Variants in DGKB observed in about 807,000 individuals in gnomAD.
DGKB encodes the protein diacylglycerol kinase beta.
A neutral mutation model predicts 114.3 loss-of-function variants in DGKB; 67 were observed. The observed-to-expected ratio is 0.59, with a 90% confidence interval of 0.48 to 0.72. DGKB has a LOEUF of 0.72. Ranked by LOEUF, DGKB falls within the 30% of genes least tolerant of loss-of-function variation. The pLI is 0.00. For synonymous variants in DGKB, 398 were observed against 323.1 expected, an observed-to-expected ratio of 1.23 and a Z score of -2.49; for missense variants, 907 against 975.2, an observed-to-expected ratio of 0.93 and a Z score of 0.93.
intron 1 of DGKB, among the ~76,000 whole-genome samples, chr7:14,896,464 C>T (rs1782117723): frequency 1.3e-5 from 2 of 150,940 alleles, no homozygotes; most frequent in Non-Finnish European, 3.0e-5. Flanking sequence ...AATTTTGTAG[C>T]CTCAATAAAT....
chr7:14,575,050 A>G (rs1446272530), intron 19 of DGKB, among the ~76,000 whole-genome samples: 1 of 152,192 alleles, frequency 6.6e-6, no homozygotes, highest in Non-Finnish European at 1.5e-5. Context: ...ACTTGAGGCC[A>G]GGAGTTCCAG....
At chr7:14,951,750 G>C (rs1046743643) in intron 1 of DGKB, among the ~76,000 whole-genome samples, 1 of 151,852 alleles carries the variant, frequency 6.6e-6, no homozygotes, top group Admixed American at 6.6e-5. Flanking sequence ...AAACTGGGGA[G>C]AAGAGGCATT....
At chr7:14,189,862 T>C (rs1425303210) in intron 23 of DGKB, among the ~76,000 whole-genome samples, 1 of 152,128 alleles carries the variant, frequency 6.6e-6, no homozygotes, top group Non-Finnish European at 1.5e-5. Context: ...GATATAACAA[T>C]TGTAAATATA....
intron 23 of DGKB, among the ~76,000 whole-genome samples, chr7:14,180,174 G>T (rs1379908739): frequency 6.9e-6 from 1 of 144,170 alleles, no homozygotes; most frequent in Non-Finnish European, 1.5e-5. Flanking sequence ...TAGTATTGTA[G>T]ATTTTGCACG....
chr7:14,179,523 T>G (rs527490381), intron 23 of DGKB, among the ~76,000 whole-genome samples: 28 of 152,294 alleles, frequency 1.8e-4, no homozygotes, highest in Admixed American at 1.3e-3. Context: ...CAAGCAAATG[T>G]GTTTTGTAGG....
chr7:14,365,765 C>T (rs950977014), intron 21 of DGKB, among the ~76,000 whole-genome samples: 7 of 151,956 alleles, frequency 4.6e-5, no homozygotes, highest in Non-Finnish European at 1.0e-4. Context: ...CTTTTATTTT[C>T]ATTTGTTTTC....
At chr7:14,873,150 T>A (rs1852737240) in intron 1 of DGKB, among the ~76,000 whole-genome samples, 1 of 152,142 alleles carries the variant, frequency 6.6e-6, no homozygotes, top group South Asian at 2.1e-4. Flanking sequence ...TTCATGAATG[T>A]TCGTTAAACT....
intron 2 of DGKB, among the ~76,000 whole-genome samples, chr7:14,801,552 T>C (rs7798664): frequency 0.36 from 55,260 of 151,944 alleles, 13,246 homozygotes; most frequent in African/African-American, 0.67. Context: ...AGAGCTTTAA[T>C]AGAACAAAAG....
At chr7:14,831,686 T>C (rs1374428008) in intron 2 of DGKB, among the ~76,000 whole-genome samples, 1 of 152,054 alleles carries the variant, frequency 6.6e-6, no homozygotes, top group Non-Finnish European at 1.5e-5. Context: ...TCTCATGTCT[T>C]CTCCTAGCAT....
intron 2 of DGKB, among the ~76,000 whole-genome samples, chr7:14,825,032 A>ATATATATC (rs1845492728): frequency 5.0e-5 from 7 of 139,462 alleles, no homozygotes; most frequent in African/African-American, 1.6e-4. Context: ...ATATATATAT[A>ATATATATC]TATATATATA....
At chr7:14,875,114 G>A (rs1168095217) in intron 1 of DGKB, among the ~76,000 whole-genome samples, 1 of 151,978 alleles carries the variant, frequency 6.6e-6, no homozygotes. Flanking sequence ...TCCCCTGAAA[G>A]CCATAGGGAG....
At chr7:14,447,779 A>G (rs1830923357) in intron 21 of DGKB, among the ~76,000 whole-genome samples, 1 of 152,084 alleles carries the variant, frequency 6.6e-6, no homozygotes. Flanking sequence ...ACTGGTTATA[A>G]CCACTGACTT....
At chr7:14,790,616 A>G (rs1258870613) in intron 2 of DGKB, among the ~76,000 whole-genome samples, 1 of 152,126 alleles carries the variant, frequency 6.6e-6, no homozygotes, top group Admixed American at 6.5e-5. Flanking sequence ...TTATTTAGGC[A>G]TATTTTTATG....
intron 21 of DGKB, among the ~76,000 whole-genome samples, chr7:14,438,673 C>T (rs1407132505): frequency 6.6e-6 from 1 of 152,106 alleles, no homozygotes; most frequent in Non-Finnish European, 1.5e-5. Flanking sequence ...TAGTTAGATG[C>T]AATATTTTAT....
chr7:14,785,516 A>T lies in DGKB; in HGVS notation c.71-27785T>A, dbSNP rs566553755. Among the ~76,000 whole-genome samples, 57 of 152,246 alleles carry T rather than the reference A, an allele frequency of 3.7e-4. No individual in the cohort carries two copies. The South Asian group carries it at 0.011, about 28-fold the overall frequency. On this transcript the variant is annotated intron_variant, in intron 2 of 25. Transcript: ENST00000402815. ...TCAAACGTCATGACTAAATTAAATT[A>T]AATTAAATTATATCCATTCACTGCT...
chr7:14,811,896 T>G (rs963343523), intron 2 of DGKB, among the ~76,000 whole-genome samples: 1 of 56,260 alleles, frequency 1.8e-5, no homozygotes, highest in Admixed American at 2.0e-4. Context: ...TCTTTAGAAC[T>G]TTTTTATTTT....
intron 20 of DGKB, among the ~76,000 whole-genome samples, chr7:14,521,725 A>G (rs1271381245): frequency 1.3e-5 from 2 of 152,164 alleles, no homozygotes; most frequent in Non-Finnish European, 2.9e-5. Flanking sequence ...CTGTTTTGAT[A>G]ACAACATCTA....
chr7:14,715,816 A>T (rs1324031263), intron 6 of DGKB, among the ~76,000 whole-genome samples: 1 of 152,176 alleles, frequency 6.6e-6, no homozygotes, highest in Non-Finnish European at 1.5e-5. Flanking sequence ...TGGTTTTGTT[A>T]TATACATTTC....
chr7:14,326,067 CTTTTTTT>C (rs72334706), intron 23 of DGKB, among the ~76,000 whole-genome samples: 1 of 134,834 alleles, frequency 7.4e-6, no homozygotes, highest in Non-Finnish European at 1.6e-5. Context: ...TCACAGATTT[CTTTTTTT>C]TTTTTTTTTA....
Sources: allele counts gnomAD v4.1 joint callset (sites outside exome capture counted in the v4.1 genomes callset), GRCh38; gene constraint gnomAD v4.1.1; transcripts MANE v1.5; gene names NCBI Gene and HGNC (gene_info 2026-07-23, HGNC 2026-07-21).